Variants in RNF130 observed in about 807,000 individuals in gnomAD.
RNF130 encodes the protein E3 ubiquitin-protein ligase RNF130.
In RNF130, 21 loss-of-function variants were observed where a neutral mutation model predicts 44.6. That is an observed-to-expected ratio of 0.47 (90% CI 0.33 to 0.68). The LOEUF is 0.68. RNF130 is among the 30% of genes least tolerant of loss of function. The probability of loss-of-function intolerance (pLI) is 0.02; values close to 1 mark genes in which losing one functional copy is unlikely to be tolerated. For synonymous variants in RNF130, 214 were observed against 210.4 expected, an observed-to-expected ratio of 1.02 and a Z score of -0.15; for missense variants, 479 against 560.6, an observed-to-expected ratio of 0.85 and a Z score of 1.47.
intron 3 of RNF130, among the ~76,000 whole-genome samples, chr5:179,999,972 C>CT (rs774966483): frequency 1.0e-3 from 153 of 152,266 alleles, no homozygotes; most frequent in Non-Finnish European, 2.2e-4. Context: ...TGGCGGTTTA[C>CT]TGTAGTGCTA....
At chr5:180,060,995 G>C (rs1394859081) in intron 1 of RNF130, among the ~76,000 whole-genome samples, 1 of 150,880 alleles carries the variant, frequency 6.6e-6, no homozygotes, top group South Asian at 2.1e-4. Flanking sequence ...CGTGAACCCC[G>C]GGGGGGCGGA....
chr5:179,939,173 C>T lies in RNF130; in HGVS notation c.1151-18747G>A, dbSNP rs567006069. Among the ~76,000 whole-genome samples, 49 of 152,012 alleles carry T rather than the reference C, an allele frequency of 3.2e-4. 1 individual carries two copies. Among genetic ancestry groups the T allele is most frequent in the Admixed American group, 2.0e-3 (31 of 15,266 alleles). ...CAGAGGTTGCAGTGAGCTGAGGTCG[C>T]GCCACTGCACTCCAGCCTGGGATAC... On this transcript the variant is annotated intron_variant, in intron 7 of 7. Transcript: ENST00000522208.
At chr5:180,056,603 T>C (rs1344515507) in intron 1 of RNF130, among the ~76,000 whole-genome samples, 3 of 152,160 alleles carry the variant, frequency 2.0e-5, no homozygotes, top group Non-Finnish European at 4.4e-5. Context: ...AGATGAACCA[T>C]GTTGGACACG....
chr5:179,982,711 C>G (rs751975088), intron 3 of RNF130, among the ~76,000 whole-genome samples: 1 of 152,122 alleles, frequency 6.6e-6, no homozygotes, highest in African/African-American at 2.4e-5. Flanking sequence ...TCTGGAATAG[C>G]AGGAACTACA....
intron 8 of RNF130, among the ~76,000 whole-genome samples, chr5:179,962,568 T>C (rs1762357471): frequency 1.3e-5 from 2 of 152,302 alleles, no homozygotes; most frequent in African/African-American, 2.4e-5. Context: ...TTCATGAATA[T>C]TGGTAAAAGA....
At chr5:180,025,436 G>A (rs970083946) in intron 2 of RNF130, among the ~76,000 whole-genome samples, 3 of 152,174 alleles carry the variant, frequency 2.0e-5, no homozygotes, top group Non-Finnish European at 4.4e-5. Flanking sequence ...GAGACTGCAA[G>A]GAAGGCTAGA....
chr5:179,990,639 A>C (rs890599682), intron 3 of RNF130, among the ~76,000 whole-genome samples: 3 of 152,128 alleles, frequency 2.0e-5, no homozygotes, highest in Admixed American at 2.0e-4. Context: ...TTTCCTTGGC[A>C]CTGACAGCTA....
chr5:179,938,512 T>C (rs946606991), intron 7 of RNF130, among the ~76,000 whole-genome samples: 2 of 152,170 alleles, frequency 1.3e-5, no homozygotes, highest in South Asian at 2.1e-4. Context: ...ACTGTGAATA[T>C]ACTAAATGTC....
intron 3 of RNF130, among the ~76,000 whole-genome samples, chr5:180,007,139 G>A (rs1290793282): frequency 6.6e-6 from 1 of 152,208 alleles, no homozygotes; most frequent in East Asian, 1.9e-4. Context: ...GGAGGTTCAT[G>A]CCTGTCATTC....
chr5:180,020,623 G>C (rs146463476), intron 2 of RNF130, among the ~76,000 whole-genome samples: 160 of 152,298 alleles, frequency 1.1e-3, no homozygotes, highest in African/African-American at 3.7e-3. Flanking sequence ...CCTTGAACAG[G>C]AAGTTCTTCA....
At chr5:180,047,468 G>A (rs550016759) in intron 1 of RNF130, among the ~76,000 whole-genome samples, 3 of 152,038 alleles carry the variant, frequency 2.0e-5, no homozygotes, top group South Asian at 2.1e-4. Context: ...TTTCTGGCCC[G>A]GCGTGGTGGT....
At chr5:179,976,582 G>A (rs1003752192) in intron 5 of RNF130, among the ~76,000 whole-genome samples, 3 of 152,134 alleles carry the variant, frequency 2.0e-5, no homozygotes, top group African/African-American at 7.2e-5. Flanking sequence ...TTTTCTAGAG[G>A]ACAGCTTACA....
At chr5:179,941,556 T>C (rs565899065) in intron 7 of RNF130, among the ~76,000 whole-genome samples, 38 of 151,946 alleles carry the variant, frequency 2.5e-4, no homozygotes, top group Non-Finnish European at 4.4e-4. Context: ...GAGCTCTCCT[T>C]CTCTCTCGGT....
chr5:180,040,364 A>T, intron 2 of RNF130, 89 bp downstream of exon 2: 1 of 1,204,154 alleles, frequency 8.3e-7, no homozygotes, highest in Non-Finnish European at 1.2e-6. Context: ...GTTGGAAATT[A>T]CATGGCTTCA....
intron 2 of RNF130, among the ~76,000 whole-genome samples, chr5:180,019,859 G>C (rs1763832292): frequency 6.6e-6 from 1 of 152,200 alleles, no homozygotes; most frequent in South Asian, 2.1e-4. Flanking sequence ...CTCAAGCACT[G>C]GGGAGCCACA....
intron 2 of RNF130, among the ~76,000 whole-genome samples, chr5:180,032,652 T>C (rs1582205538): frequency 6.6e-6 from 1 of 152,350 alleles, no homozygotes; most frequent in South Asian, 2.1e-4. Flanking sequence ...ACCGTAAAGA[T>C]ATTTATTTCT....
chr5:179,974,458 T>C (rs1297366968), intron 5 of RNF130, among the ~76,000 whole-genome samples: 1 of 152,214 alleles, frequency 6.6e-6, no homozygotes, highest in Non-Finnish European at 1.5e-5. Context: ...CCCTCCGCCA[T>C]GCCAACTGCC....
intron 7 of RNF130, 78 bp downstream of exon 7, chr5:179,966,728 G>T: frequency 1.6e-6 from 2 of 1,278,110 alleles, no homozygotes; most frequent in Non-Finnish European, 2.2e-6. Context: ...TGAGGCGAGT[G>T]CCTTGACTCT....
intron 3 of RNF130, among the ~76,000 whole-genome samples, chr5:179,999,496 C>T (rs540704527): frequency 3.6e-4 from 55 of 152,008 alleles, no homozygotes; most frequent in African/African-American, 1.2e-3. Flanking sequence ...CCAAGACGGG[C>T]GGATCACCTG....
Sources: allele counts gnomAD v4.1 joint callset (sites outside exome capture counted in the v4.1 genomes callset), GRCh38; gene constraint gnomAD v4.1.1; transcripts MANE v1.5; gene names NCBI Gene and HGNC (gene_info 2026-07-23, HGNC 2026-07-21).